The following NALF1 variants were observed in gnomAD, a reference collection of about 807,000 sequenced individuals.
NALF1 encodes family with sequence similarity 155 member A.
NALF1 carries 3 observed loss-of-function variants against 48.4 expected under a neutral mutation model. That is an observed-to-expected ratio of 0.06 (90% CI 0.03 to 0.16). NALF1 has a LOEUF of 0.16. Among genes scored for constraint, NALF1 ranks in the 10% least tolerant of loss-of-function variants. The pLI is 1.00. For synonymous variants in NALF1, 262 were observed against 245.7 expected (o/e 1.07, Z -0.62); for missense variants, 526 against 571.5 (o/e 0.92, Z 0.81).
At chr13:107,617,930 TAACTA>T (rs1879423876) in intron 1 of NALF1, among the ~76,000 whole-genome samples, 1 of 152,216 alleles carries the variant, frequency 6.6e-6, no homozygotes, top group South Asian at 2.1e-4. Context: ...AATTGCTTTA[TAACTA>T]AACTGACAAA....
At chr13:107,729,178 T>A (rs781036315) in intron 1 of NALF1, among the ~76,000 whole-genome samples, 40 of 152,176 alleles carry the variant, frequency 2.6e-4, no homozygotes, top group Non-Finnish European at 4.4e-4. Flanking sequence ...GGATATTTTT[T>A]ATTTAAAAAA....
intron 1 of NALF1, among the ~76,000 whole-genome samples, chr13:107,213,284 A>AT (rs750847464): frequency 2.3e-4 from 34 of 147,930 alleles, no homozygotes; most frequent in South Asian, 4.3e-4. Flanking sequence ...AGATCACAGC[A>AT]TTTTTTTTTA....
At chr13:107,736,057 T>C (rs75545208) in intron 1 of NALF1, among the ~76,000 whole-genome samples, 7,357 of 152,202 alleles carry the variant, frequency 0.048, 461 homozygotes, top group African/African-American at 0.14. Flanking sequence ...GCTAAACCAA[T>C]AGACATGCGC....
intron 1 of NALF1, among the ~76,000 whole-genome samples, chr13:107,367,498 G>A (rs1223443801): frequency 2.0e-5 from 3 of 152,072 alleles, no homozygotes; most frequent in East Asian, 1.9e-4. Flanking sequence ...TTTGATTCCC[G>A]TCTCTCCCAG....
intron 1 of NALF1, among the ~76,000 whole-genome samples, chr13:107,771,648 A>T (rs1877580277): frequency 6.6e-6 from 1 of 152,104 alleles, no homozygotes. Context: ...TAGCCTGTAG[A>T]TGTTTACTGT....
intron 1 of NALF1, among the ~76,000 whole-genome samples, chr13:107,720,879 T>C (rs777763124): frequency 6.6e-6 from 1 of 152,202 alleles, no homozygotes; most frequent in Non-Finnish European, 1.5e-5. Flanking sequence ...ATATGCATTT[T>C]TATCCATGCT....
At chr13:107,344,672 A>C (rs936075823) in intron 1 of NALF1, among the ~76,000 whole-genome samples, 6 of 152,152 alleles carry the variant, frequency 3.9e-5, no homozygotes, top group African/African-American at 1.4e-4. Context: ...CGTAGAAGAA[A>C]ATTACTGTAA....
chr13:107,650,264 AC>A (rs1880417888), intron 1 of NALF1, among the ~76,000 whole-genome samples: 1 of 152,080 alleles, frequency 6.6e-6, no homozygotes, highest in Admixed American at 6.5e-5. Flanking sequence ...ACCCCTGGCC[AC>A]CCGGACCTGG....
At chr13:107,364,152 A>C (rs1168133357) in intron 1 of NALF1, among the ~76,000 whole-genome samples, 1 of 152,240 alleles carries the variant, frequency 6.6e-6, no homozygotes, top group Non-Finnish European at 1.5e-5. Flanking sequence ...TCTTTTTATT[A>C]AACAATTATA....
intron 1 of NALF1, among the ~76,000 whole-genome samples, chr13:107,699,938 T>A (rs1881781450): frequency 6.6e-6 from 1 of 152,044 alleles, no homozygotes; most frequent in East Asian, 1.9e-4. Context: ...TAATTATGAA[T>A]AAATTTACTC....
At chr13:107,473,951 G>C (rs1431660181) in intron 1 of NALF1, among the ~76,000 whole-genome samples, 2 of 152,076 alleles carry the variant, frequency 1.3e-5, no homozygotes, top group Non-Finnish European at 2.9e-5. Context: ...TATGAACAAG[G>C]AGTGTTAGGA....
At chr13:107,393,403 G>A (rs547366883) in intron 1 of NALF1, among the ~76,000 whole-genome samples, 1 of 152,214 alleles carries the variant, frequency 6.6e-6, no homozygotes, top group South Asian at 2.1e-4. Flanking sequence ...TCTATACAAT[G>A]TTTTCAAATT....
At chr13:107,663,899 T>A (rs1880791112) in intron 1 of NALF1, among the ~76,000 whole-genome samples, 1 of 152,092 alleles carries the variant, frequency 6.6e-6, no homozygotes, top group Non-Finnish European at 1.5e-5. Context: ...TCTCCTCAAC[T>A]CCTTAACTTC....
intron 2 of NALF1, among the ~76,000 whole-genome samples, chr13:107,208,232 T>C (rs1879683846): frequency 6.6e-6 from 1 of 152,164 alleles, no homozygotes; most frequent in Non-Finnish European, 1.5e-5. Flanking sequence ...GGTTTCCAAA[T>C]GTTCAGTGAT....
chr13:107,827,052 G>A (rs1879541811), intron 1 of NALF1, among the ~76,000 whole-genome samples: 1 of 152,192 alleles, frequency 6.6e-6, no homozygotes, highest in Non-Finnish European at 1.5e-5. Flanking sequence ...TTATTTACAA[G>A]ATTTAGCACC....
intron 1 of NALF1, among the ~76,000 whole-genome samples, chr13:107,614,809 G>A (rs1264419946): frequency 5.0e-5 from 7 of 139,700 alleles, no homozygotes; most frequent in African/African-American, 1.6e-4. Flanking sequence ...ACAGAGTCTC[G>A]CTCTGTCACC....
At chr13:107,361,877 G>T (rs1021465054) in intron 1 of NALF1, among the ~76,000 whole-genome samples, 2 of 152,214 alleles carry the variant, frequency 1.3e-5, no homozygotes, top group Non-Finnish European at 2.9e-5. Flanking sequence ...GGCAAGGCCA[G>T]ATGATTCACT....
chr13:107,659,114 GACACAC>G (rs71121541), intron 1 of NALF1, among the ~76,000 whole-genome samples: 193 of 145,904 alleles, frequency 1.3e-3, no homozygotes, highest in African/African-American at 2.2e-3. Context: ...CTGACACACA[GACACAC>G]ACACACACAC....
intron 1 of NALF1, among the ~76,000 whole-genome samples, chr13:107,236,663 A>G (rs551342489): frequency 2.2e-5 from 3 of 138,136 alleles, no homozygotes; most frequent in Admixed American, 1.6e-4. Flanking sequence ...CTATCTATCC[A>G]TCTGTCTGTC....
Sources: gnomAD v4.1 joint callset for allele counts (sites outside exome capture counted in the v4.1 genomes callset) on GRCh38, gnomAD v4.1.1 for gene constraint, MANE v1.5 for transcripts, NCBI Gene and HGNC (gene_info 2026-07-23, HGNC 2026-07-21) for gene names.